ANXA10: variants seen among roughly 807,000 people sequenced by gnomAD.
The protein encoded by ANXA10 is annexin 14.
Under a neutral mutation model 53.5 loss-of-function variants are expected in ANXA10, and 49 were observed. The ratio of observed to expected loss-of-function variants is 0.92; its 90% confidence interval spans 0.73 to 1.16. The LOEUF is 1.16. Among genes scored for constraint, ANXA10 ranks in the 50% most tolerant of loss-of-function variants. The pLI is 0.00. For synonymous variants in ANXA10, 131 were observed against 128.9 expected (o/e 1.02, Z -0.11); for missense variants, 393 against 394.4 (o/e 1.00, Z 0.03).
At chr4:168,172,786 ATTTTTTTTT>A (rs34280639) in intron 6 of ANXA10, among the ~76,000 whole-genome samples, 2 of 133,704 alleles carry the variant, frequency 1.5e-5, no homozygotes, top group Non-Finnish European at 3.2e-5. Flanking sequence ...GTATGTTGCC[ATTTTTTTTT>A]TTTTTTTTTT....
At chr4:168,108,374 T>G (rs1261248035) in intron 1 of ANXA10, among the ~76,000 whole-genome samples, 1 of 152,206 alleles carries the variant, frequency 6.6e-6, no homozygotes, top group Non-Finnish European at 1.5e-5. Flanking sequence ...GTTGCTCTTT[T>G]TGAAACACTT....
chr4:168,133,628 G>C (rs1174834296), intron 2 of ANXA10, among the ~76,000 whole-genome samples: 2 of 152,076 alleles, frequency 1.3e-5, no homozygotes, highest in African/African-American at 2.4e-5. Flanking sequence ...ATGCTAACAA[G>C]ACTGGCTTGT....
At chr4:168,118,284 T>C (rs528260784) in intron 1 of ANXA10, among the ~76,000 whole-genome samples, 1 of 152,252 alleles carries the variant, frequency 6.6e-6, no homozygotes, top group African/African-American at 2.4e-5. Context: ...AATATAAACA[T>C]AAGCATTTCC....
intron 1 of ANXA10, among the ~76,000 whole-genome samples, chr4:168,116,744 TGTC>T (rs1487240850): frequency 6.6e-6 from 1 of 152,134 alleles, no homozygotes; most frequent in Non-Finnish European, 1.5e-5. Flanking sequence ...TATAAACTGG[TGTC>T]GTTTTTCATA....
chr4:168,125,278 A>G (rs1374980334), intron 1 of ANXA10, among the ~76,000 whole-genome samples: 1 of 152,200 alleles, frequency 6.6e-6, no homozygotes, highest in Non-Finnish European at 1.5e-5. Context: ...ATTTCTGTAC[A>G]ATTTCCTCTT....
In ANXA10 at chr4:168,098,121, A is replaced by T. The variant is rs555680150; in HGVS notation, c.18+5403A>T. 1.1e-4 allele frequency among the ~76,000 whole-genome samples: 15 copies of T among 138,222 alleles called. No homozygotes were observed. The East Asian group carries it at 2.4e-3, about 22-fold the overall frequency. The allele number at this position is 138,222 out of a possible 152,430, so 90.7% of individuals were successfully genotyped here. A position where few individuals can be genotyped will look rare whatever the true frequency, so the allele number is the denominator to read the frequency against. On this transcript the variant is annotated intron_variant, in intron 1 of 11. Transcript: ENST00000359299. The stretch of plus-strand genomic sequence containing the variant: ...TAAATCTAAGGCACTCTTGAAATTT[A>T]AAAAAAAAAAAGATGTTTAACTATA...
At chr4:168,120,385 A>G (rs141209865) in intron 1 of ANXA10, among the ~76,000 whole-genome samples, 277 of 152,268 alleles carry the variant, frequency 1.8e-3, no homozygotes, top group African/African-American at 6.5e-3. Context: ...AACATCACTC[A>G]TAAGCACATC....
At chr4:168,126,630 A>C (rs1731074537) in intron 1 of ANXA10, among the ~76,000 whole-genome samples, 1 of 152,080 alleles carries the variant, frequency 6.6e-6, no homozygotes, top group African/African-American at 2.4e-5. Context: ...TCTTCCCCCC[A>C]CACCTTCTTC....
intron 2 of ANXA10, among the ~76,000 whole-genome samples, chr4:168,131,079 T>G (rs2149470362): frequency 6.6e-6 from 1 of 152,146 alleles, no homozygotes; most frequent in Non-Finnish European, 1.5e-5. Flanking sequence ...AGATGCAAGC[T>G]TAGATTCTTG....
chr4:168,178,147 T>C (rs1238978047), intron 8 of ANXA10, 164 bp downstream of exon 8: 1 of 610,258 alleles, frequency 1.6e-6, no homozygotes, highest in African/African-American at 1.8e-5. Flanking sequence ...CCTTATTTAA[T>C]GACATTACTA....
chr4:168,181,578 C>A, intron 9 of ANXA10, 105 bp from the exon 10 acceptor site: 1 of 922,218 alleles, frequency 1.1e-6, no homozygotes, highest in Non-Finnish European at 1.8e-6. Context: ...CCTTACAATA[C>A]AATGTAAGAA....
intron 6 of ANXA10, among the ~76,000 whole-genome samples, chr4:168,175,058 A>AGAC (rs1293939671): frequency 6.6e-6 from 1 of 152,210 alleles, no homozygotes; most frequent in East Asian, 1.9e-4. Flanking sequence ...ATGTAAATAC[A>AGAC]GACAAAAAGA....
chr4:168,168,442 G>C (rs112926653), intron 6 of ANXA10, among the ~76,000 whole-genome samples: 4 of 151,586 alleles, frequency 2.6e-5, no homozygotes, highest in African/African-American at 9.7e-5. Context: ...TTTTTTTAAC[G>C]GAGTTTCACT....
At chr4:168,160,972 T>C (rs142482281) in intron 3 of ANXA10, among the ~76,000 whole-genome samples, 1 of 152,306 alleles carries the variant, frequency 6.6e-6, no homozygotes, top group East Asian at 1.9e-4. Context: ...CTTTGTCCCA[T>C]GGATAGATTG....
chr4:168,117,957 G>T (rs1730921727), intron 1 of ANXA10, among the ~76,000 whole-genome samples: 1 of 151,188 alleles, frequency 6.6e-6, no homozygotes, highest in African/African-American at 2.4e-5. Context: ...CCTCACACTG[G>T]GACCATGGGG....
At chr4:168,147,194 G>C (rs576488132) in intron 3 of ANXA10, among the ~76,000 whole-genome samples, 1 of 152,144 alleles carries the variant, frequency 6.6e-6, no homozygotes, top group Non-Finnish European at 1.5e-5. Context: ...GGTGAGACTG[G>C]CTGGTTTCTT....
intron 3 of ANXA10, among the ~76,000 whole-genome samples, chr4:168,155,150 G>C (rs1463258169): frequency 6.6e-6 from 1 of 150,948 alleles, no homozygotes; most frequent in African/African-American, 2.4e-5. Flanking sequence ...CTAAGCCTTT[G>C]CCTGATCAAA....
intron 3 of ANXA10, among the ~76,000 whole-genome samples, chr4:168,156,232 T>C (rs1578923547): frequency 2.5e-5 from 1 of 40,462 alleles, no homozygotes; most frequent in East Asian, 1.1e-3. Flanking sequence ...ATGTATTATA[T>C]TATATATAAT....
At chr4:168,170,135 C>G (rs1481990991) in intron 6 of ANXA10, among the ~76,000 whole-genome samples, 1 of 151,852 alleles carries the variant, frequency 6.6e-6, no homozygotes, top group Non-Finnish European at 1.5e-5. Flanking sequence ...TATATAATAT[C>G]GTTTGTGTAG....
Sources: gnomAD v4.1 joint callset for allele counts (sites outside exome capture counted in the v4.1 genomes callset) on GRCh38, gnomAD v4.1.1 for gene constraint, MANE v1.5 for transcripts, NCBI Gene and HGNC (gene_info 2026-07-23, HGNC 2026-07-21) for gene names.